The following ATAD2 variants were observed in gnomAD, a reference collection of about 807,000 sequenced individuals.
The protein encoded by ATAD2 is ATPase family AAA domain containing 2.
ATAD2 carries 62 observed loss-of-function variants against 168.9 expected under a neutral mutation model. The ratio of observed to expected loss-of-function variants is 0.37; its 90% confidence interval spans 0.30 to 0.45. The LOEUF is 0.45. Ranked by LOEUF, ATAD2 falls within the 20% of genes least tolerant of loss-of-function variation. The pLI is 1.00. For synonymous variants in ATAD2, 613 were observed against 571.6 expected, an observed-to-expected ratio of 1.07 and a Z score of -1.03; for missense variants, 1,419 against 1,667.8, an observed-to-expected ratio of 0.85 and a Z score of 2.60.
intron 8 of ATAD2, among the ~76,000 whole-genome samples, chr8:123,365,293 T>C (rs1400828810): frequency 1.3e-5 from 2 of 152,104 alleles, no homozygotes; most frequent in Non-Finnish European, 2.9e-5. Flanking sequence ...CACAAATAAA[T>C]GGAAGCACAT....
intron 19 of ATAD2, among the ~76,000 whole-genome samples, chr8:123,340,848 G>GA (rs1828040927): frequency 6.6e-6 from 1 of 152,090 alleles, no homozygotes; most frequent in African/African-American, 2.4e-5. Context: ...GGGATAACAA[G>GA]AAAGATCTGG....
chr8:123,373,712 C>A (rs1829220409), intron 2 of ATAD2, among the ~76,000 whole-genome samples: 1 of 151,178 alleles, frequency 6.6e-6, no homozygotes, highest in Non-Finnish European at 1.5e-5. Context: ...TGGCGTGAAC[C>A]CAGGAGGCGG....
upstream of ATAD2, chr8:123,401,289 T>C (rs1025530034): frequency 8.6e-6 from 10 of 1,167,476 alleles, no homozygotes; most frequent in Non-Finnish European, 1.2e-5. Flanking sequence ...CCTCCAAGGA[T>C]TCCCATGAGC....
chr8:123,403,938 G>A (rs1813038355), intron 1 of ATAD2, among the ~76,000 whole-genome samples: 1 of 152,096 alleles, frequency 6.6e-6, no homozygotes, highest in Non-Finnish European at 1.5e-5. Flanking sequence ...CCAGCAGGAG[G>A]GGAGGCTATT....
At chr8:123,397,082 C>T (rs1215104745), upstream of ATAD2, among the ~76,000 whole-genome samples, 1 of 151,664 alleles carries the variant, frequency 6.6e-6, no homozygotes, top group Non-Finnish European at 1.5e-5. Context: ...ATTGATCATC[C>T]CACATAGAAG....
intron 20 of ATAD2, among the ~76,000 whole-genome samples, chr8:123,338,309 C>T (rs1198315260): frequency 2.0e-5 from 3 of 150,976 alleles, no homozygotes; most frequent in African/African-American, 4.9e-5. Context: ...GAGCCAAGAT[C>T]GTGCCACTGC....
In ATAD2 at chr8:123,320,606, G is replaced by T. The variant is rs1273469820; in HGVS notation, c.*528C>A. Reference sequence around the variant, plus strand: ...CAGAATTGTGGTGCAGCCAGAAGTGGTTCAAGAGCCCTCCCGCAAATCATG... The same window carrying T: ...CAGAATTGTGGTGCAGCCAGAAGTGTTTCAAGAGCCCTCCCGCAAATCATG... On this transcript the variant is annotated 3_prime_UTR_variant, in exon 28 of 28. Transcript: ENST00000287394. 6.5e-6 allele frequency: 1 copy of T among 153,120 alleles called. No individual in the cohort carries two copies. The highest frequency in any genetic ancestry group is 1.5e-5 in the Non-Finnish European group (1 of 68,764). The allele number at this position is 153,120 out of a possible 1,614,324, so 9.5% of individuals were successfully genotyped here.
chr8:123,389,640 AAAAAC>A (rs150555733), intron 1 of ATAD2, among the ~76,000 whole-genome samples: 6 of 150,912 alleles, frequency 4.0e-5, no homozygotes, highest in Non-Finnish European at 7.4e-5. Context: ...GCTCCGTCTC[AAAAAC>A]AAAACAAAAC....
chr8:123,326,448 T>C (rs571401879), intron 25 of ATAD2, among the ~76,000 whole-genome samples: 30 of 151,414 alleles, frequency 2.0e-4, no homozygotes, highest in Non-Finnish European at 3.1e-4. Context: ...GGCAGGTGAA[T>C]CCCTTGAGTC....
At chr8:123,360,324 C>A (rs1828776208) in intron 9 of ATAD2, among the ~76,000 whole-genome samples, 1 of 152,110 alleles carries the variant, frequency 6.6e-6, no homozygotes, top group Non-Finnish European at 1.5e-5. Flanking sequence ...TCCCTAACTA[C>A]TTCCTTTTTT....
At chr8:123,372,011 C>T (rs926137910) in intron 3 of ATAD2, among the ~76,000 whole-genome samples, 176 bp from the exon 4 acceptor site, 8 of 152,190 alleles carry the variant, frequency 5.3e-5, no homozygotes, top group Admixed American at 2.0e-4. Flanking sequence ...CATACACCTA[C>T]CATAAGATTG....
chr8:123,339,236 C>G, intron 20 of ATAD2, 75 bp downstream of exon 20: 1 of 1,261,756 alleles, frequency 7.9e-7, no homozygotes, highest in South Asian at 1.6e-5. Context: ...TTATCAGATA[C>G]ATGTCAATGC....
In ATAD2 at chr8:123,402,845, A is replaced by AATAAT. The variant is rs1813024523; in HGVS notation, c.-2281-1671_-2281-1670insATTAT. On this transcript the variant is annotated intron_variant, in intron 1 of 28. Transcript: ENST00000521903. This position sits in a 1 kb window ranked among gnomAD's most constrained non-coding sequence, Gnocchi z 4.8. ...ATAATAATAATAATAATAATAATAA[A>AATAAT]AATCAACACACTACACACAGCTTCA... is the stretch of plus-strand genomic sequence containing the variant. Among the ~76,000 whole-genome samples, 1 of 135,518 alleles carries AATAAT rather than the reference A, an allele frequency of 7.4e-6. No homozygotes were observed. Among genetic ancestry groups the AATAAT allele is most frequent in the African/African-American group, 2.6e-5 (1 of 38,018 alleles). 88.9% of individuals were successfully genotyped at this position (135,518 alleles called of 152,430 possible).
At chr8:123,389,774 A>G (rs1010024145) in intron 1 of ATAD2, among the ~76,000 whole-genome samples, 4 of 150,580 alleles carry the variant, frequency 2.7e-5, no homozygotes, top group Non-Finnish European at 5.9e-5. Flanking sequence ...CATTCCTACT[A>G]ATACCACCTT....
At chr8:123,374,121 T>C (rs1829236234) in intron 2 of ATAD2, among the ~76,000 whole-genome samples, 1 of 152,116 alleles carries the variant, frequency 6.6e-6, no homozygotes, top group Non-Finnish European at 1.5e-5. Flanking sequence ...TCCCAGCACT[T>C]TGGGAGGCCA....
chr8:123,407,262 G>A (rs567558000), intron 1 of ATAD2, among the ~76,000 whole-genome samples: 4 of 152,162 alleles, frequency 2.6e-5, no homozygotes, highest in African/African-American at 9.6e-5. Context: ...ATACATTCCT[G>A]GTTTTTAAAG....
chr8:123,361,175 G>C (rs1828807557), intron 9 of ATAD2, among the ~76,000 whole-genome samples: 1 of 151,912 alleles, frequency 6.6e-6, no homozygotes, highest in South Asian at 2.1e-4. Flanking sequence ...AAATGAGCCA[G>C]GTGTGGTGAT....
intron 11 of ATAD2, among the ~76,000 whole-genome samples, chr8:123,357,979 T>C (rs1406514750): frequency 1.3e-5 from 2 of 152,224 alleles, no homozygotes; most frequent in African/African-American, 4.8e-5. Context: ...AATTCATTCA[T>C]CATGTTCATC....
Position 123,356,492 on chromosome 8 carries a change from G to T in ATAD2, c.1558-15C>A. 6.3e-7 allele frequency: 1 copy of T among 1,596,630 alleles called. No individual in the cohort carries two copies. On this transcript the variant is annotated splice_polypyrimidine_tract_variant and intron_variant, in intron 12 of 27. Transcript: ENST00000287394. ...ATCTGATAGGCCTAGAAAGTAGGTG[G>T]AGTGGTCATTTGTTAGCATAAACAG...
Sources: gnomAD v4.1 joint callset for allele counts (sites outside exome capture counted in the v4.1 genomes callset) on GRCh38, gnomAD v4.1.1 for gene constraint, Gnocchi (gnomAD v3.1) non-coding constraint, MANE v1.5 for transcripts, NCBI Gene and HGNC (gene_info 2026-07-23, HGNC 2026-07-21) for gene names.